NFYA: variants seen among roughly 807,000 people sequenced by gnomAD.
The protein encoded by NFYA is CAAT-box DNA binding protein subunit A.
Under a neutral mutation model 52.8 loss-of-function variants are expected in NFYA, and 28 were observed. The ratio of observed to expected loss-of-function variants is 0.53; its 90% CI spans 0.39 to 0.73. The LOEUF is 0.73. Ranked by LOEUF, NFYA falls within the 30% of genes least tolerant of loss-of-function variation. The probability of loss-of-function intolerance (pLI) is 0.00; values close to 1 mark genes in which losing one functional copy is unlikely to be tolerated. For missense variants in NFYA, 234 were observed against 427.0 expected (o/e 0.55, Z 3.98); for synonymous variants, 150 against 150.7 (o/e 1.00, Z 0.03).
Position 41,100,690 on chromosome 6 carries a change from ACTCTGTGGTATGAGGGAAAGAC to A in NFYA, c.*3285_*3306del, listed in dbSNP as rs1192462465. ...AAATTCAGAGATGACCCAAGATTCT[ACTCTGTGGTATGAGGGAAAGAC>A]CTCTCGATATTTATCTCACACCAAC... On this transcript the variant is annotated 3_prime_UTR_variant, in exon 10 of 10. Coordinates refer to ENST00000341376, the MANE Select transcript of NFYA (RefSeq NM_002505.5). 6.6e-6 allele frequency among the ~76,000 whole-genome samples: 1 copy of A among 152,178 alleles called. No individual in the cohort carries two copies. Among genetic ancestry groups the A allele is most frequent in the Non-Finnish European group, 1.5e-5 (1 of 68,036 alleles).
chr6:41,102,208 AG>A lies in NFYA; in HGVS notation c.*4801del, dbSNP rs1424279453. 1 of 152,186 alleles carries A rather than the reference AG, an allele frequency of 6.6e-6. No homozygotes were observed. The highest frequency in any genetic ancestry group is 1.5e-5 in the Non-Finnish European group (1 of 68,034). 9.4% of individuals were successfully genotyped at this position (152,186 alleles called of 1,614,324 possible). ...AGAAGTACTTTAAAACAGGTACCAAAGGGTCATTCCTTTAGCATCATTCATC... is the reference window on the plus strand; with the variant it reads ...AGAAGTACTTTAAAACAGGTACCAAAGGTCATTCCTTTAGCATCATTCATC... On this transcript the variant is annotated 3_prime_UTR_variant, in exon 10 of 10. Transcript: ENST00000341376.
Position 41,089,669 on chromosome 6 carries a change from A to G in NFYA, c.400A>G (p.Ile134Val), listed in dbSNP as rs527240521. 1.9e-6 allele frequency: 3 copies of G among 1,612,716 alleles called. No homozygotes were observed. The African/African-American group carries it at 4.0e-5, about 22-fold the overall frequency. The change falls in exon 5 of 10, where the codon ATC (isoleucine) becomes GTC (valine). Residue 134 changes from isoleucine (I) to valine (V), a missense_variant. By Grantham distance (29) the Ile-to-Val change is conservative. Around this residue, in one of 3 missense-constraint regions of NFYA, gnomAD observed 118 missense variants for 182.4 expected, o/e 0.65. Coordinates refer to ENST00000341376, the MANE Select transcript of NFYA (RefSeq NM_002505.5). ...GCAGGGCCAGACCCAGCAGATCATC[A>G]TCCAGCAGCCCCAGACGGCTGTCAC... ...GQQGQTQQII[I>V]QQPQTAVTAG...
At chr6:41,094,525 C>A in intron 9 of NFYA, 28 bp downstream of exon 9, 1 of 1,562,566 alleles carries the variant, frequency 6.4e-7, no homozygotes, top group Non-Finnish European at 8.8e-7. Context: ...TTTTATTCTT[C>A]TCTTTATTAC....
intron 2 of NFYA, 32 bp downstream of exon 2, chr6:41,079,196 G>A: frequency 1.9e-6 from 3 of 1,596,202 alleles, no homozygotes; most frequent in Non-Finnish European, 2.6e-6. Flanking sequence ...AAACATTACA[G>A]CAATGAAACT....
At chr6:41,079,565 C>T (rs1763851821) in intron 2 of NFYA, among the ~76,000 whole-genome samples, 1 of 152,058 alleles carries the variant, frequency 6.6e-6, no homozygotes, top group African/African-American at 2.4e-5. Context: ...TTTGGTCTGC[C>T]ACATTTTTTA....
At chr6:41,077,063 T>C (rs1763751795) in intron 1 of NFYA, among the ~76,000 whole-genome samples, 1 of 152,188 alleles carries the variant, frequency 6.6e-6, no homozygotes, top group African/African-American at 2.4e-5. Context: ...GTACGTTACA[T>C]ATATTAGTCA....
chr6:41,096,523 T>C (rs1764361864), intron 9 of NFYA, among the ~76,000 whole-genome samples: 1 of 152,248 alleles, frequency 6.6e-6, no homozygotes. Flanking sequence ...ACATTAGGCA[T>C]CTGTGTAGCA....
Position 41,099,327 on chromosome 6 carries a change from A to G in NFYA, c.*1917A>G, listed in dbSNP as rs1582041996. ...GGAGTCTAAGATGCAGAGTTCAGAAAGAAATTACTCAGACCTAACTTTGAG... is the reference window on the plus strand; with the variant it reads ...GGAGTCTAAGATGCAGAGTTCAGAAGGAAATTACTCAGACCTAACTTTGAG... On this transcript the variant is annotated 3_prime_UTR_variant, in exon 10 of 10. Coordinates refer to ENST00000341376, the MANE Select transcript of NFYA (RefSeq NM_002505.5). The G allele has an allele frequency of 6.6e-6, 1 of 152,380 alleles. No individual in the cohort carries two copies. Among genetic ancestry groups the G allele is most frequent in the Middle Eastern group, 3.4e-3 (1 of 294 alleles). 9.4% of individuals were successfully genotyped at this position (152,380 alleles called of 1,614,324 possible).
Position 41,092,184 on chromosome 6 carries a change from TAAGA to T in NFYA, c.714+492_714+495del, listed in dbSNP as rs1271565854. Among the ~76,000 whole-genome samples, 1,358 of 152,146 alleles carry T rather than the reference TAAGA, an allele frequency of 8.9e-3. 22 individuals carry two copies. The highest frequency in any genetic ancestry group is 0.031 in the African/African-American group (1,270 of 41,500). On this transcript the variant is annotated intron_variant, in intron 7 of 9. Transcript: ENST00000341376. ...AAATAGGATGTTAAAATGCATAAAT[TAAGA>T]ATGAGTAACAGAAGTCTGCACAGAG...
intron 4 of NFYA, among the ~76,000 whole-genome samples, chr6:41,086,860 T>C (rs894491975): frequency 3.3e-5 from 5 of 152,196 alleles, no homozygotes; most frequent in African/African-American, 1.2e-4. Flanking sequence ...TTAAAAAATA[T>C]TTGCTAGGTG....
intron 1 of NFYA, among the ~76,000 whole-genome samples, chr6:41,073,682 G>C (rs756041602): frequency 5.3e-5 from 8 of 151,986 alleles, no homozygotes; most frequent in Non-Finnish European, 1.2e-4. Flanking sequence ...GGCTGGCAAC[G>C]GGGCTGGCCC....
intron 1 of NFYA, among the ~76,000 whole-genome samples, chr6:41,077,582 G>C (rs1359287399): frequency 6.6e-6 from 1 of 152,160 alleles, no homozygotes; most frequent in East Asian, 1.9e-4. Context: ...AGGGAAGCCT[G>C]TTAGTGCCCC....
At position 41,092,898 on chromosome 6, in the gene NFYA, T is replaced by A; in HGVS notation, c.715-14T>A. 1 of 1,610,544 alleles carries A rather than the reference T, an allele frequency of 6.2e-7. No individual in the cohort carries two copies. Among genetic ancestry groups the A allele is most frequent in the Non-Finnish European group, 8.5e-7 (1 of 1,178,288 alleles). The stretch of plus-strand genomic sequence containing the variant: ...TTCATGCCACCAATAAGCTCTGGTT[T>A]CCTGTTCACACAGATGGTTCCTGGG... On this transcript the variant is annotated splice_polypyrimidine_tract_variant and intron_variant, in intron 7 of 9. Coordinates refer to ENST00000341376, the MANE Select transcript of NFYA (RefSeq NM_002505.5).
intron 5 of NFYA, among the ~76,000 whole-genome samples, chr6:41,089,935 T>G (rs942430995): frequency 6.6e-6 from 1 of 151,942 alleles, no homozygotes; most frequent in African/African-American, 2.4e-5. Flanking sequence ...CTGGCCAACA[T>G]GGTGAAGCCC....
intron 1 of NFYA, among the ~76,000 whole-genome samples, chr6:41,073,620 C>T (rs1219450135): frequency 1.3e-5 from 2 of 152,024 alleles, no homozygotes; most frequent in African/African-American, 2.4e-5. Flanking sequence ...CCCTCTAGGT[C>T]GGGAGGGAGG....
intron 8 of NFYA, among the ~76,000 whole-genome samples, chr6:41,093,390 A>G (rs1193989169): frequency 6.6e-6 from 1 of 151,984 alleles, no homozygotes; most frequent in East Asian, 1.9e-4. Context: ...CTGCTTTAAT[A>G]TTGCTAGTGT....
intron 3 of NFYA, 56 bp downstream of exon 3, chr6:41,080,953 T>A: frequency 7.2e-7 from 1 of 1,391,180 alleles, no homozygotes; most frequent in Non-Finnish European, 1.0e-6. Context: ...TCTCCTCATG[T>A]CTGGTGCTGT....
intron 2 of NFYA, 129 bp downstream of exon 2, chr6:41,079,293 G>A (rs1763841882): frequency 1.2e-6 from 1 of 829,208 alleles, no homozygotes; most frequent in Non-Finnish European, 1.9e-6. Context: ...GGGTCTGATG[G>A]CTTGTGCTGA....
Position 41,089,598 on chromosome 6 carries a change from G to A in NFYA, c.329G>A (p.Gly110Glu). 1 of 1,612,386 alleles carries A rather than the reference G, an allele frequency of 6.2e-7. No individual in the cohort carries two copies. Among genetic ancestry groups the A allele is most frequent in the Non-Finnish European group, 8.5e-7 (1 of 1,179,894 alleles). ...CTGCAGATACAGTTGGTCCCACCTG[G>A]ACAGATCCAGATCCAGGGTGGACAG... ...GLQQIQLVPP[G>E]QIQIQGGQAV... Residue 110 changes from glycine to glutamate, a missense_variant, in exon 5 of 10, where the codon GGA becomes GAA. Gly to Glu is a moderately conservative substitution (Grantham distance 98, BLOSUM62 -2). Around this residue, in one of 3 missense-constraint regions of NFYA, gnomAD observed 118 missense variants for 182.4 expected, o/e 0.65. Coordinates refer to ENST00000341376, the MANE Select transcript of NFYA (RefSeq NM_002505.5).
Sources: gnomAD v4.1 joint callset for allele counts (sites outside exome capture counted in the v4.1 genomes callset) on GRCh38, gnomAD v4.1.1 for gene constraint, gnomAD v4.1.1 regional missense constraint, MANE v1.5 for transcripts, NCBI Gene and HGNC (gene_info 2026-07-23, HGNC 2026-07-21) for gene names.